ROBO2: variants seen among roughly 807,000 people sequenced by gnomAD.
The protein encoded by ROBO2 is roundabout homolog 2.
In ROBO2, 53 loss-of-function variants were observed where a neutral mutation model predicts 160.8. The observed-to-expected ratio is 0.33, with a 90% confidence interval of 0.26 to 0.41. The LOEUF is 0.41. Ranked by LOEUF, ROBO2 falls within the 10% of genes least tolerant of loss-of-function variation. ROBO2 has a pLI of 1.00. For missense variants in ROBO2, 1,577 were observed against 1,722.4 expected, an observed-to-expected ratio of 0.92 and a Z score of 1.49; for synonymous variants, 664 against 611.7, an observed-to-expected ratio of 1.09 and a Z score of -1.26.
At chr3:76,835,443 A>G (rs3911522) in intron 2 of ROBO2, among the ~76,000 whole-genome samples, 18,793 of 147,648 alleles carry the variant, frequency 0.13, 1,343 homozygotes, top group East Asian at 0.24. Flanking sequence ...ATATAATGTA[A>G]TACATTATAT....
intron 5 of ROBO2, among the ~76,000 whole-genome samples, chr3:77,502,008 ATAATCTAAGCATTT>A (rs1424423690): frequency 6.6e-6 from 1 of 152,204 alleles, no homozygotes; most frequent in African/African-American, 2.4e-5. Context: ...TATACCAGAA[ATAATCTAAGCATTT>A]TACAATAGTG....
intron 2 of ROBO2, among the ~76,000 whole-genome samples, chr3:76,029,906 G>A (rs1225225824): frequency 6.6e-6 from 1 of 152,104 alleles, no homozygotes; most frequent in African/African-American, 2.4e-5. Flanking sequence ...GGGTCAAATG[G>A]TATTTCTAGT....
chr3:76,582,154 T>C (rs1438130148), intron 2 of ROBO2, among the ~76,000 whole-genome samples: 1 of 152,182 alleles, frequency 6.6e-6, no homozygotes, highest in African/African-American at 2.4e-5. Flanking sequence ...TTAAGTGAGT[T>C]GGAGTTCCTT....
In ROBO2 at chr3:77,574,602, C is replaced by T. The variant is rs747073426; in HGVS notation, c.2075C>T (p.Pro692Leu). The T allele has an allele frequency of 1.2e-5, 19 of 1,613,174 alleles. No homozygotes were observed. Among genetic ancestry groups the T allele is most frequent in the South Asian group, 2.2e-5 (2 of 91,076 alleles). The change falls in exon 14 of 26, where the codon CCG (proline) becomes CTG (leucine). Residue 692 changes from proline to leucine, a missense_variant. Around this residue, in one of 2 missense-constraint regions of ROBO2, gnomAD observed 940 missense variants for 1,135.5 expected, o/e 0.83. Transcript: ENST00000461745. Reference sequence around the variant, plus strand: ...TGGCAGAATTTAGATGCCAAAGTCCCGACTGAACGAAGTGCTGTCTTAGTC... The same window carrying T: ...TGGCAGAATTTAGATGCCAAAGTCCTGACTGAACGAAGTGCTGTCTTAGTC...
intron 3 of ROBO2, among the ~76,000 whole-genome samples, chr3:77,478,143 T>C (rs1353655728): frequency 6.6e-6 from 1 of 152,110 alleles, no homozygotes; most frequent in Non-Finnish European, 1.5e-5. Flanking sequence ...AGCTCTTTTA[T>C]AAAATCTCCA....
chr3:77,153,136 T>C (rs1270291031), intron 2 of ROBO2, among the ~76,000 whole-genome samples: 1 of 152,182 alleles, frequency 6.6e-6, no homozygotes, highest in East Asian at 1.9e-4. Context: ...TGCTTCTTCT[T>C]CCAGTTTTTG....
At chr3:77,505,190 T>G (rs2088291035) in intron 5 of ROBO2, among the ~76,000 whole-genome samples, 1 of 152,202 alleles carries the variant, frequency 6.6e-6, no homozygotes, top group Admixed American at 6.5e-5. Flanking sequence ...ACTGATTCTT[T>G]CATGTAGAGT....
chr3:77,024,122 A>ACTTAG (rs1578328107), intron 2 of ROBO2, among the ~76,000 whole-genome samples: 2 of 152,330 alleles, frequency 1.3e-5, no homozygotes, highest in East Asian at 3.9e-4. Context: ...ACATAGATTT[A>ACTTAG]CTTAGCTATC....
chr3:76,502,554 C>A (rs924708), intron 2 of ROBO2, among the ~76,000 whole-genome samples: 80,717 of 152,010 alleles, frequency 0.53, 21,662 homozygotes, highest in East Asian at 0.59. Flanking sequence ...TTTGCTTCAT[C>A]CATTCTTTTT....
In ROBO2 at chr3:77,428,130, T is replaced by C. The variant is rs568438396; in HGVS notation, c.389-49284T>C. On this transcript the variant is annotated intron_variant, in intron 2 of 25. Transcript: ENST00000461745. ...AGTCATTGTAAACAAATTTTTGAAA[T>C]TTTTATGCTTTTTAATCTACCCAAG... Among the ~76,000 whole-genome samples, 4 of 152,114 alleles carry C rather than the reference T, an allele frequency of 2.6e-5. No individual in the cohort carries two copies. The South Asian group carries it at 8.3e-4, about 32-fold the overall frequency.
chr3:77,646,277 T>TA (rs776268671), exon 26 of ROBO2: 1 of 408,820 alleles, frequency 2.4e-6, no homozygotes. Flanking sequence ...CAGGAGTATA[T>TA]AAAAAAGAAA....
intron 2 of ROBO2, among the ~76,000 whole-genome samples, chr3:76,369,261 A>G (rs758010025): frequency 1.4e-4 from 22 of 151,900 alleles, no homozygotes; most frequent in African/African-American, 4.8e-4. Context: ...ATCCCTCCTT[A>G]TATCTGGAAA....
chr3:77,292,382 G>T (rs1334523386), intron 2 of ROBO2, among the ~76,000 whole-genome samples: 1 of 152,044 alleles, frequency 6.6e-6, no homozygotes, highest in Non-Finnish European at 1.5e-5. Context: ...GCTGAGGCTA[G>T]ATCACCAAAG....
At chr3:76,577,845 C>T (rs1486865512) in intron 2 of ROBO2, among the ~76,000 whole-genome samples, 1 of 152,038 alleles carries the variant, frequency 6.6e-6, no homozygotes, top group Non-Finnish European at 1.5e-5. Flanking sequence ...GAAATAGGTC[C>T]AGTCTCATTA....
In ROBO2 at chr3:76,986,296, C is replaced by G. The variant is rs556821969; in HGVS notation, c.110-111718C>G. ...ATCTTTAGGGCTGTTTACTATTGATCAAAATTCTGAGGAGTTACCTCTGCT... is the reference window on the plus strand; with the variant it reads ...ATCTTTAGGGCTGTTTACTATTGATGAAAATTCTGAGGAGTTACCTCTGCT... On this transcript the variant is annotated intron_variant, in intron 2 of 26. Coordinates refer to the ROBO2 transcript ENST00000487694. 8.5e-5 allele frequency among the ~76,000 whole-genome samples: 13 copies of G among 152,140 alleles called. No individual in the cohort carries two copies. In the South Asian group the frequency reaches 2.3e-3, roughly 27 times the overall value.
chr3:77,251,867 G>A (rs761024534), intron 2 of ROBO2, among the ~76,000 whole-genome samples: 2 of 152,234 alleles, frequency 1.3e-5, no homozygotes, highest in African/African-American at 2.4e-5. Context: ...GTGGAACTGC[G>A]AGTCCGTTAA....
intron 2 of ROBO2, among the ~76,000 whole-genome samples, chr3:76,018,913 C>T (rs1300724453): frequency 6.6e-6 from 1 of 151,786 alleles, no homozygotes; most frequent in Non-Finnish European, 1.5e-5. Flanking sequence ...TCGGTTTTCT[C>T]TGAAGTTCTG....
chr3:77,158,259 C>T (rs1212922996), intron 2 of ROBO2, among the ~76,000 whole-genome samples: 2 of 152,072 alleles, frequency 1.3e-5, no homozygotes, highest in Non-Finnish European at 2.9e-5. Flanking sequence ...GTTAGTAGAA[C>T]CTGTCTCAGT....
chr3:76,317,682 A>C (rs2072153364), intron 2 of ROBO2, among the ~76,000 whole-genome samples: 1 of 152,098 alleles, frequency 6.6e-6, no homozygotes, highest in Non-Finnish European at 1.5e-5. Flanking sequence ...AAATTCCAAA[A>C]CCAGGTCTGA....
Sources: allele counts gnomAD v4.1 joint callset (sites outside exome capture counted in the v4.1 genomes callset), GRCh38; gene constraint gnomAD v4.1.1; regional missense constraint gnomAD v4.1.1; transcripts MANE v1.5; gene names NCBI Gene and HGNC (gene_info 2026-07-23, HGNC 2026-07-21).